ABLIM2: variants seen among roughly 807,000 people sequenced by gnomAD.
The protein encoded by ABLIM2 is actin binding LIM protein family member 2.
In ABLIM2, 53 loss-of-function variants were observed where a neutral mutation model predicts 97.7. The ratio of observed to expected loss-of-function variants is 0.54; its 90% CI spans 0.44 to 0.68. The LOEUF (loss-of-function observed/expected upper bound fraction) is 0.68. Among genes scored for constraint, ABLIM2 ranks in the 30% least tolerant of loss-of-function variants. The pLI, the probability that ABLIM2 is intolerant of heterozygous loss-of-function variation, is 0.00. For missense variants in ABLIM2, 835 were observed against 867.2 expected (o/e 0.96, Z 0.47); for synonymous variants, 361 against 345.8 (o/e 1.04, Z -0.49).
intron 20 of ABLIM2, among the ~76,000 whole-genome samples, chr4:7,971,917 C>T (rs1041475858): frequency 2.0e-5 from 3 of 152,186 alleles, no homozygotes; most frequent in African/African-American, 7.2e-5. Flanking sequence ...CCTGGGCCCC[C>T]AGGGCCAGCA....
chr4:7,992,591 C>T lies in ABLIM2; in HGVS notation c.1680+275G>A, dbSNP rs1749748166. ...AGCTGCGCCTGATCACTCTGGGTGG[C>T]CCTTGTCTCCCCTGCTCCCACACAC... On this transcript the variant is annotated intron_variant, in intron 17 of 20. Transcript: ENST00000447017. The surrounding 1 kb of genome is among the most constrained non-coding windows in gnomAD (Gnocchi z 5.7). Among the ~76,000 whole-genome samples the T allele has an allele frequency of 6.6e-6, 1 of 152,086 alleles. No individual in the cohort carries two copies. The highest frequency in any genetic ancestry group is 2.1e-4 in the South Asian group (1 of 4,820).
rs1844711604 is a variant in ABLIM2, at chr4:8,120,190, G to A, written c.11-13553C>T. ...GCCCCTTCCTCCCAGAAGAGGACGT[G>A]GCAGGAAGCAAGAGCGGTGCCAGCG... On this transcript the variant is annotated intron_variant, in intron 1 of 20. Transcript: ENST00000447017. This position sits in a 1 kb window ranked among gnomAD's most constrained non-coding sequence, Gnocchi z 5.6. Among the ~76,000 whole-genome samples the A allele has an allele frequency of 6.6e-6, 1 of 152,162 alleles. No individual in the cohort carries two copies. Among genetic ancestry groups the A allele is most frequent in the South Asian group, 2.1e-4 (1 of 4,816 alleles).
At chr4:8,057,834 C>A (rs532083510) in intron 7 of ABLIM2, among the ~76,000 whole-genome samples, 1 of 152,322 alleles carries the variant, frequency 6.6e-6, no homozygotes, top group South Asian at 2.1e-4. Context: ...GATTTGCCAG[C>A]CAAATAACAT....
In ABLIM2 at chr4:8,087,021, G is replaced by A. The variant is rs1379374090; in HGVS notation, c.454+1148C>T. ...GCTCCCAGGGCCAGTGCTGCACCTC[G>A]GGGAGGCTGGAAGTGGAATCGCCTC... is the stretch of plus-strand genomic sequence containing the variant. On this transcript the variant is annotated intron_variant, in intron 4 of 20. Transcript: ENST00000447017. This position sits in a 1 kb window ranked among gnomAD's most constrained non-coding sequence, Gnocchi z 4.6. Among the ~76,000 whole-genome samples, 1 of 152,134 alleles carries A rather than the reference G, an allele frequency of 6.6e-6. No individual in the cohort carries two copies. Among genetic ancestry groups the A allele is most frequent in the African/African-American group, 2.4e-5 (1 of 41,428 alleles).
At chr4:8,143,769 C>A (rs1048227382) in intron 1 of ABLIM2, among the ~76,000 whole-genome samples, 1 of 152,168 alleles carries the variant, frequency 6.6e-6, no homozygotes, top group Non-Finnish European at 1.5e-5. Flanking sequence ...GATCGACATG[C>A]TCCAGGGAAC....
In ABLIM2 at chr4:8,121,845, T is replaced by C. The variant is rs187071501; in HGVS notation, c.11-15208A>G. On this transcript the variant is annotated intron_variant, in intron 1 of 20. Transcript: ENST00000447017. ...CCATGTCACATCATCTTTCAGTTCCTGTGTCCAGGCAAACACCAGGGACTG... is the reference window on the plus strand; with the variant it reads ...CCATGTCACATCATCTTTCAGTTCCCGTGTCCAGGCAAACACCAGGGACTG... Among the ~76,000 whole-genome samples the C allele has an allele frequency of 7.4e-3, 1,128 of 152,310 alleles. 8 individuals are homozygous for C. The highest frequency in any genetic ancestry group is 0.014 in the Middle Eastern group (4 of 294).
chr4:8,080,616 A>AC (rs1819184985), intron 5 of ABLIM2, 60 bp downstream of exon 5: 2 of 1,486,942 alleles, frequency 1.3e-6, no homozygotes, highest in South Asian at 1.3e-5. Flanking sequence ...AGAGTGTGGG[A>AC]CCCCCACAGA....
At position 8,071,966 on chromosome 4, in the gene ABLIM2, G is replaced by C; in HGVS notation, c.675+5662C>G. On this transcript the variant is annotated intron_variant, in intron 6 of 20. Transcript: ENST00000447017. The surrounding 1 kb of genome is among the most constrained non-coding windows in gnomAD (Gnocchi z 6.2). Reference sequence around the variant, plus strand: ...GCCGAGCATCAGGCAGTGCCACCGCGGCGGCGGCAGCTCCCCTTCTGCGGA... The same window carrying C: ...GCCGAGCATCAGGCAGTGCCACCGCCGCGGCGGCAGCTCCCCTTCTGCGGA... The C allele has an allele frequency of 1.0e-6, 1 of 985,494 alleles. No homozygotes were observed. Among genetic ancestry groups the C allele is most frequent in the South Asian group, 4.7e-5 (1 of 21,288 alleles). 61.0% of individuals were successfully genotyped at this position (985,494 alleles called of 1,614,324 possible).
Position 7,998,647 on chromosome 4 carries a change from C to A in ABLIM2, c.1619-5720G>T. ...CTAGTGTGGCTGCAGGAGGAAAACA[C>A]CTGCCTCGTCACCTTTTGCCACCAC... On this transcript the variant is annotated intron_variant, in intron 16 of 20. Coordinates refer to ENST00000447017, the MANE Select transcript of ABLIM2 (RefSeq NM_001130083.2). This position sits in a 1 kb window ranked among gnomAD's most constrained non-coding sequence, Gnocchi z 6.4. 2.0e-6 allele frequency: 1 copy of A among 510,812 alleles called. No individual in the cohort carries two copies. The highest frequency in any genetic ancestry group is 3.9e-6 in the Non-Finnish European group (1 of 256,486). 31.6% of individuals were successfully genotyped at this position (510,812 alleles called of 1,614,324 possible).
At chr4:8,038,766 C>T (rs1252094893) in intron 9 of ABLIM2, among the ~76,000 whole-genome samples, 1 of 152,192 alleles carries the variant, frequency 6.6e-6, no homozygotes, top group African/African-American at 2.4e-5. Context: ...CAATCCCGAG[C>T]CAGCCATTTG....
intron 9 of ABLIM2, among the ~76,000 whole-genome samples, chr4:8,039,874 G>GTT (rs397947626): frequency 0.015 from 1,617 of 108,246 alleles, 13 homozygotes; most frequent in East Asian, 0.037. Context: ...GCTGATTACT[G>GTT]TTTTTTTTTT....
chr4:8,154,018 A>G (rs1337730184), intron 1 of ABLIM2, among the ~76,000 whole-genome samples: 2 of 141,376 alleles, frequency 1.4e-5, no homozygotes, highest in Non-Finnish European at 3.0e-5. Context: ...GCTGGAGTGC[A>G]GTGGCGTGAT....
rs900186028 is a variant in ABLIM2, at chr4:8,130,835, C to T, written c.11-24198G>A. Among the ~76,000 whole-genome samples the T allele has an allele frequency of 7.9e-5, 12 of 152,218 alleles. No homozygotes were observed. The highest frequency in any genetic ancestry group is 8.8e-5 in the Non-Finnish European group (6 of 68,030). The stretch of plus-strand genomic sequence containing the variant: ...AAGGCAGCCCCAAGGCCGAGCTCCC[C>T]GAAGGCTCTAGGGCAGGCTGTCCTT... On this transcript the variant is annotated intron_variant, in intron 1 of 20. Transcript: ENST00000447017. The surrounding 1 kb of genome is among the most constrained non-coding windows in gnomAD (Gnocchi z 4.2).
chr4:7,989,338 C>A, intron 17 of ABLIM2: 5 of 925,422 alleles, frequency 5.4e-6, no homozygotes, highest in Non-Finnish European at 6.4e-6. Context: ...CTCGGCCTCG[C>A]AGAGTGCTGG....
In ABLIM2 at chr4:8,001,937, C is replaced by T. The variant is rs1757509867; in HGVS notation, c.1618+6122G>A. ...ACACACATGTGCGTGCTCTCTCTCT[C>T]TTTTTCTTGCTCTCTCTCCTCCCAG... is the stretch of plus-strand genomic sequence containing the variant. On this transcript the variant is annotated intron_variant, in intron 16 of 20. Transcript: ENST00000447017. This position sits in a 1 kb window ranked among gnomAD's most constrained non-coding sequence, Gnocchi z 4.2. Among the ~76,000 whole-genome samples the T allele has an allele frequency of 6.6e-6, 1 of 152,234 alleles. No homozygotes were observed. The highest frequency in any genetic ancestry group is 1.5e-5 in the Non-Finnish European group (1 of 68,044).
intron 20 of ABLIM2, among the ~76,000 whole-genome samples, chr4:7,973,696 G>A (rs1463527774): frequency 6.6e-6 from 1 of 152,144 alleles, no homozygotes; most frequent in Non-Finnish European, 1.5e-5. Context: ...TTCCTGCTAA[G>A]CCCTGCCCTG....
chr4:8,139,694 GA>G (rs1561621940), intron 1 of ABLIM2, among the ~76,000 whole-genome samples: 1 of 152,208 alleles, frequency 6.6e-6, no homozygotes, highest in Non-Finnish European at 1.5e-5. Flanking sequence ...ATAGTGTGCT[GA>G]TTCTTCAAAG....
intron 3 of ABLIM2, among the ~76,000 whole-genome samples, chr4:8,090,648 A>AT (rs1483665977): frequency 6.6e-6 from 1 of 151,706 alleles, no homozygotes; most frequent in African/African-American, 2.4e-5. Context: ...CGTGATCATC[A>AT]TTGTCACCAT....
At chr4:8,079,494 T>G (rs1174445963) in intron 5 of ABLIM2, among the ~76,000 whole-genome samples, 1 of 152,198 alleles carries the variant, frequency 6.6e-6, no homozygotes, top group Non-Finnish European at 1.5e-5. Context: ...GGGAAACTCA[T>G]GCACCGCACA....
Sources: gnomAD v4.1 joint callset for allele counts (sites outside exome capture counted in the v4.1 genomes callset) on GRCh38, gnomAD v4.1.1 for gene constraint, Gnocchi (gnomAD v3.1) non-coding constraint, MANE v1.5 for transcripts, NCBI Gene and HGNC (gene_info 2026-07-23, HGNC 2026-07-21) for gene names.